FNIP1: variants seen among roughly 807,000 people sequenced by gnomAD.
The protein encoded by FNIP1 is folliculin interacting protein 1.
In FNIP1, 40 loss-of-function variants were observed where a neutral mutation model predicts 124.5. The ratio of observed to expected loss-of-function variants is 0.32; its 90% CI spans 0.25 to 0.42. The LOEUF is 0.42. FNIP1 is among the 10% of genes least tolerant of loss of function. The probability of loss-of-function intolerance (pLI) is 1.00; values close to 1 mark genes in which losing one functional copy is unlikely to be tolerated. For missense variants in FNIP1, 1,176 were observed against 1,403.7 expected, an observed-to-expected ratio of 0.84 and a Z score of 2.59; for synonymous variants, 472 against 470.6, an observed-to-expected ratio of 1.00 and a Z score of -0.04.
intron 1 of FNIP1, among the ~76,000 whole-genome samples, chr5:131,787,962 A>C (rs1378437846): frequency 6.6e-6 from 1 of 152,186 alleles, no homozygotes. Flanking sequence ...CCTGGGTGAC[A>C]CAGTGAGACC....
chr5:131,669,957 G>A (rs1299445452), intron 15 of FNIP1, among the ~76,000 whole-genome samples: 2 of 150,932 alleles, frequency 1.3e-5, no homozygotes, highest in African/African-American at 4.9e-5. Context: ...GGGACAAAAG[G>A]CATCCAGATT....
intron 13 of FNIP1, 41 bp from the exon 14 acceptor site, chr5:131,672,965 G>GAC (rs750560412): frequency 2.6e-5 from 35 of 1,361,406 alleles, no homozygotes; most frequent in Non-Finnish European, 3.4e-5. Context: ...GTCCTTTACT[G>GAC]ACACAGCTAA....
chr5:131,781,128 G>A lies in FNIP1; in HGVS notation c.92+15702C>T, dbSNP rs533679914. ...CAAACCAGTCACAATAGTCCCTTAA[G>A]CCAAAGCCTAATCCAGGGCAAGGCC... On this transcript the variant is annotated intron_variant, in intron 1 of 17. Transcript: ENST00000510461. Among the ~76,000 whole-genome samples the A allele has an allele frequency of 3.9e-5, 6 of 152,342 alleles. No homozygotes were observed. The South Asian group carries it at 1.0e-3, about 26-fold the overall frequency.
At position 131,796,913 on chromosome 5, in the gene FNIP1, A is replaced by C; in HGVS notation, c.9T>G (p.Pro3=). 1.2e-6 allele frequency: 2 copies of C among 1,606,890 alleles called. No homozygotes were observed. The highest frequency in any genetic ancestry group is 1.7e-6 in the Non-Finnish European group (2 of 1,177,470). MA[P]TLFQKLFSKR... is the part of the protein sequence containing the mutation. The stretch of plus-strand genomic sequence containing the variant: ...TGCTGAAGAGCTTCTGGAACAGCGT[A>C]GGGGCCATGCTAGCCACGGCCAGGC... Residue 3 remains proline, a synonymous_variant, in exon 1 of 18, where the codon CCT becomes CCG. Transcript: ENST00000510461.
At chr5:131,744,418 G>A (rs777679519) in intron 2 of FNIP1, 146 bp downstream of exon 2, 8 of 739,168 alleles carry the variant, frequency 1.1e-5, no homozygotes, top group Middle Eastern at 4.1e-4. Flanking sequence ...AAATCAAAAT[G>A]TTAGATTCAC....
Position 131,655,947 on chromosome 5 carries a change from A to C in FNIP1, c.3109-3948T>G, listed in dbSNP as rs544672688. 4.9e-4 allele frequency among the ~76,000 whole-genome samples: 74 copies of C among 151,922 alleles called. 1 individual carries two copies. The South Asian group carries it at 7.9e-3, about 16-fold the overall frequency. On this transcript the variant is annotated intron_variant, in intron 15 of 17. Coordinates refer to ENST00000510461, the MANE Select transcript of FNIP1 (RefSeq NM_133372.3). ...AACAACAAAACAAAACAAAACAAAA[A>C]AAAAACTAATCTCTTTTGGGAGGCT...
intron 6 of FNIP1, among the ~76,000 whole-genome samples, chr5:131,715,572 G>C (rs1363921019): frequency 6.6e-6 from 1 of 152,032 alleles, no homozygotes; most frequent in Non-Finnish European, 1.5e-5. Flanking sequence ...AAATTATAAA[G>C]AAAAGAGATT....
intron 11 of FNIP1, among the ~76,000 whole-genome samples, chr5:131,697,740 C>T (rs1057280836): frequency 1.3e-4 from 19 of 151,328 alleles, no homozygotes; most frequent in South Asian, 2.1e-4. Context: ...CCAAGGTGGG[C>T]GGATCATTTG....
intron 5 of FNIP1, 93 bp from the exon 6 acceptor site, chr5:131,716,749 C>G: frequency 4.5e-6 from 3 of 670,694 alleles, no homozygotes; most frequent in Admixed American, 3.0e-5. Context: ...AGTGCAAAAA[C>G]AGTTTCTTCC....
chr5:131,749,219 G>A (rs775166834), intron 1 of FNIP1, among the ~76,000 whole-genome samples: 4 of 151,986 alleles, frequency 2.6e-5, no homozygotes, highest in Non-Finnish European at 5.9e-5. Context: ...TAAATTTAAT[G>A]TAGCCTAAGT....
At chr5:131,788,036 G>A (rs1772274720) in intron 1 of FNIP1, among the ~76,000 whole-genome samples, 1 of 152,124 alleles carries the variant, frequency 6.6e-6, no homozygotes, top group Non-Finnish European at 1.5e-5. Context: ...CACAAGAAGT[G>A]GGAAAGTAAT....
At chr5:131,671,423 T>C (rs1767744659) in intron 14 of FNIP1, 82 bp downstream of exon 14, 2 of 1,136,736 alleles carry the variant, frequency 1.8e-6, no homozygotes, top group South Asian at 1.5e-5. Flanking sequence ...ATCTCTTTTA[T>C]ACTAACCTTC....
At chr5:131,662,045 G>T (rs946531308) in intron 15 of FNIP1, among the ~76,000 whole-genome samples, 1 of 152,060 alleles carries the variant, frequency 6.6e-6, no homozygotes, top group Non-Finnish European at 1.5e-5. Flanking sequence ...ACTCTCTCTT[G>T]GTCTCCACCA....
intron 1 of FNIP1, among the ~76,000 whole-genome samples, chr5:131,771,181 G>A (rs1030438125): frequency 6.6e-6 from 1 of 152,064 alleles, no homozygotes; most frequent in Non-Finnish European, 1.5e-5. Flanking sequence ...ATTAAAAGAT[G>A]TAACCCCAAG....
At chr5:131,665,898 A>ATTTTT (rs751409571) in intron 15 of FNIP1, among the ~76,000 whole-genome samples, 3 of 114,766 alleles carry the variant, frequency 2.6e-5, no homozygotes, top group Non-Finnish European at 3.7e-5. Context: ...CTAAAATAAT[A>ATTTTT]CTTTTTTTTT....
At chr5:131,686,249 A>G (rs1768269012) in intron 11 of FNIP1, among the ~76,000 whole-genome samples, 1 of 152,260 alleles carries the variant, frequency 6.6e-6, no homozygotes, top group Non-Finnish European at 1.5e-5. Flanking sequence ...ATCCCTGCTA[A>G]GAGTTGAACA....
chr5:131,652,634 C>T (rs779679637), intron 15 of FNIP1, among the ~76,000 whole-genome samples: 7 of 152,178 alleles, frequency 4.6e-5, no homozygotes, highest in Non-Finnish European at 7.3e-5. Flanking sequence ...AGACACTGCA[C>T]CTGGCCTGAG....
At chr5:131,779,126 C>A (rs1771910431) in intron 1 of FNIP1, among the ~76,000 whole-genome samples, 1 of 144,380 alleles carries the variant, frequency 6.9e-6, no homozygotes, top group African/African-American at 2.6e-5. Flanking sequence ...TGCACATGTA[C>A]CCTAAAACTT....
At chr5:131,757,648 A>G (rs1258234902) in intron 1 of FNIP1, among the ~76,000 whole-genome samples, 3 of 152,124 alleles carry the variant, frequency 2.0e-5, no homozygotes, top group African/African-American at 7.2e-5. Context: ...AAAAAAAAAA[A>G]AAGGTGGACA....
Sources: gnomAD v4.1 joint callset for allele counts (sites outside exome capture counted in the v4.1 genomes callset) on GRCh38, gnomAD v4.1.1 for gene constraint, MANE v1.5 for transcripts, NCBI Gene and HGNC (gene_info 2026-07-23, HGNC 2026-07-21) for gene names.